PTPRG: variants seen among roughly 807,000 people sequenced by gnomAD.
The protein encoded by PTPRG is protein tyrosine phosphatase receptor type G.
A neutral mutation model predicts 165.3 loss-of-function variants in PTPRG; 102 were observed. The ratio of observed to expected loss-of-function variants is 0.62; its 90% CI spans 0.53 to 0.73. PTPRG has a LOEUF of 0.73. Among genes scored for constraint, PTPRG ranks in the 30% least tolerant of loss-of-function variants. The pLI is 0.00. For synonymous variants in PTPRG, 675 were observed against 669.5 expected, an observed-to-expected ratio of 1.01 and a Z score of -0.13; for missense variants, 1,866 against 1,861.4, an observed-to-expected ratio of 1.00 and a Z score of -0.05.
intron 2 of PTPRG, among the ~76,000 whole-genome samples, chr3:61,803,412 C>T (rs1369811972): frequency 1.4e-5 from 2 of 143,344 alleles, no homozygotes; most frequent in Non-Finnish European, 3.0e-5. Flanking sequence ...CCATTTCTTA[C>T]TAAGGGACAT....
At chr3:62,028,300 G>T (rs1372078623) in intron 4 of PTPRG, among the ~76,000 whole-genome samples, 1 of 152,084 alleles carries the variant, frequency 6.6e-6, no homozygotes, top group Non-Finnish European at 1.5e-5. Context: ...TTATGTTTCT[G>T]GCAATGATAC....
intron 2 of PTPRG, among the ~76,000 whole-genome samples, chr3:61,935,473 A>G (rs1053728002): frequency 6.6e-6 from 1 of 152,118 alleles, no homozygotes; most frequent in Non-Finnish European, 1.5e-5. Flanking sequence ...AACAAACTTC[A>G]TGGCAGGCAG....
At chr3:61,592,923 G>C (rs1233732107) in intron 1 of PTPRG, among the ~76,000 whole-genome samples, 2 of 59,000 alleles carry the variant, frequency 3.4e-5, no homozygotes, top group Non-Finnish European at 8.8e-5. Context: ...TGTGCTGAAG[G>C]TGGTTCCTTA....
chr3:61,622,412 C>T (rs569010365), intron 1 of PTPRG, among the ~76,000 whole-genome samples: 14 of 151,008 alleles, frequency 9.3e-5, no homozygotes, highest in Admixed American at 4.6e-4. Context: ...TGTAGTTTTC[C>T]GTTGTCAGTC....
chr3:61,848,842 T>G lies in PTPRG; in HGVS notation c.190+99860T>G, dbSNP rs151199294. On this transcript the variant is annotated intron_variant, in intron 2 of 29. Coordinates refer to ENST00000474889, the MANE Select transcript of PTPRG (RefSeq NM_002841.4). ...CACTCTGCCAAGCACAATGCACTTG[T>G]TTTATTCCTTACAATAAATCTCATA... 1.7e-3 allele frequency among the ~76,000 whole-genome samples: 260 copies of G among 152,348 alleles called. 3 individuals carry two copies. The highest frequency in any genetic ancestry group is 5.9e-3 in the African/African-American group (247 of 41,574).
intron 1 of PTPRG, among the ~76,000 whole-genome samples, chr3:61,722,453 T>G (rs561536199): frequency 6.6e-6 from 1 of 152,284 alleles, no homozygotes; most frequent in East Asian, 1.9e-4. Flanking sequence ...AAGGGAAATT[T>G]GGACACTAAA....
chr3:61,930,711 G>C (rs933276584), intron 2 of PTPRG, among the ~76,000 whole-genome samples: 6 of 152,244 alleles, frequency 3.9e-5, no homozygotes, highest in African/African-American at 1.4e-4. Context: ...ATTATAGTTA[G>C]AGAAATAATA....
chr3:62,114,495 T>G (rs77577444), intron 5 of PTPRG, among the ~76,000 whole-genome samples: 2,661 of 152,284 alleles, frequency 0.017, 74 homozygotes, highest in African/African-American at 0.059. Context: ...CTCACAAGTT[T>G]CTTGTGCTTT....
At chr3:62,274,208 A>T (rs1702161965) in intron 23 of PTPRG, among the ~76,000 whole-genome samples, 1 of 152,316 alleles carries the variant, frequency 6.6e-6, no homozygotes, top group East Asian at 1.9e-4. Flanking sequence ...GATGACTTGT[A>T]GACATATTGT....
At chr3:61,926,377 C>T (rs1377112145) in intron 2 of PTPRG, among the ~76,000 whole-genome samples, 3 of 151,814 alleles carry the variant, frequency 2.0e-5, no homozygotes, top group Non-Finnish European at 4.4e-5. Flanking sequence ...TGTAGCACCT[C>T]CCCCTCCTCT....
At chr3:62,165,375 A>G (rs1235561444) in intron 7 of PTPRG, among the ~76,000 whole-genome samples, 1 of 152,216 alleles carries the variant, frequency 6.6e-6, no homozygotes, top group African/African-American at 2.4e-5. Context: ...TGACTTTGGT[A>G]GTCCTGTCAA....
At chr3:61,667,198 A>C (rs1350427077) in intron 1 of PTPRG, among the ~76,000 whole-genome samples, 1 of 152,204 alleles carries the variant, frequency 6.6e-6, no homozygotes, top group Admixed American at 6.5e-5. Context: ...CTTATGAATA[A>C]GCTGAAAACT....
At chr3:62,231,373 T>C in intron 14 of PTPRG, 62 bp downstream of exon 14, 1 of 1,400,148 alleles carries the variant, frequency 7.1e-7, no homozygotes, top group Non-Finnish European at 9.5e-7. Context: ...TTGCCAAATT[T>C]TTGTTTTGTT....
At chr3:61,872,155 C>A (rs926440511) in intron 2 of PTPRG, among the ~76,000 whole-genome samples, 1 of 152,160 alleles carries the variant, frequency 6.6e-6, no homozygotes, top group Non-Finnish European at 1.5e-5. Context: ...TTGAAAGTAA[C>A]GTGTACTTTC....
At chr3:62,258,333 A>G (rs1701597297) in intron 16 of PTPRG, among the ~76,000 whole-genome samples, 1 of 152,244 alleles carries the variant, frequency 6.6e-6, no homozygotes, top group Non-Finnish European at 1.5e-5. Flanking sequence ...TGGACATAAT[A>G]TAAGATACAA....
intron 1 of PTPRG, among the ~76,000 whole-genome samples, chr3:61,620,638 C>CT (rs1467570826): frequency 6.7e-6 from 1 of 148,718 alleles, no homozygotes; most frequent in Non-Finnish European, 1.5e-5. Flanking sequence ...TTTTTTTTTT[C>CT]TTTTTTGAAA....
At chr3:62,044,536 C>A (rs11918698) in intron 4 of PTPRG, among the ~76,000 whole-genome samples, 19,662 of 150,320 alleles carry the variant, frequency 0.13, 1,391 homozygotes, top group Middle Eastern at 0.21. Context: ...CAGACTGTAT[C>A]TCAAAAAAAA....
intron 1 of PTPRG, among the ~76,000 whole-genome samples, chr3:61,565,113 C>T (rs768870539): frequency 1.3e-5 from 2 of 152,168 alleles, no homozygotes; most frequent in Non-Finnish European, 2.9e-5. Flanking sequence ...CATTTGAGTT[C>T]TCAGCTCCTG....
chr3:62,077,716 G>A (rs1028040862), intron 4 of PTPRG, among the ~76,000 whole-genome samples: 5 of 152,080 alleles, frequency 3.3e-5, no homozygotes, highest in African/African-American at 1.2e-4. Context: ...AAATACGTTA[G>A]CAAAGGGCCG....
Sources: allele counts gnomAD v4.1 joint callset (sites outside exome capture counted in the v4.1 genomes callset), GRCh38; gene constraint gnomAD v4.1.1; transcripts MANE v1.5; gene names NCBI Gene and HGNC (gene_info 2026-07-23, HGNC 2026-07-21).